Variants in PADI2 observed in about 807,000 individuals in gnomAD.
PADI2 encodes the protein protein-arginine deiminase type-2.
In PADI2, 70 loss-of-function variants were observed where a neutral mutation model predicts 81.1. The observed-to-expected ratio is 0.86, with a 90% CI of 0.71 to 1.05. PADI2 has a LOEUF of 1.05. PADI2 is among the 50% of genes least tolerant of loss of function. The pLI, the probability that PADI2 is intolerant of heterozygous loss-of-function variation, is 0.00. For synonymous variants in PADI2, 338 were observed against 358.0 expected, an observed-to-expected ratio of 0.94 and a Z score of 0.63; for missense variants, 853 against 889.9, an observed-to-expected ratio of 0.96 and a Z score of 0.53.
In PADI2 at chr1:17,086,645, T is replaced by A; in HGVS notation, c.710A>T (p.His237Leu). ...GGAGCCACCCGTGTACTTGACCACA[T>A]GGTAGAGCTTCCGCCGGCCCAGGAT... is the stretch of plus-strand genomic sequence containing the variant. ...IHILGRRKLY[H>L]VVKYTGGSAE... The change falls in exon 7 of 16, where the codon CAT (histidine) becomes CTT (leucine). Residue 237 changes from histidine to leucine, a missense_variant. Coordinates refer to ENST00000375486, the MANE Select transcript of PADI2 (RefSeq NM_007365.3). The A allele has an allele frequency of 6.2e-7, 1 of 1,613,994 alleles. No individual in the cohort carries two copies. Among genetic ancestry groups the A allele is most frequent in the Non-Finnish European group, 8.5e-7 (1 of 1,179,966 alleles).
chr1:17,077,869 C>G (rs377540858), intron 11 of PADI2, among the ~76,000 whole-genome samples: 1 of 152,172 alleles, frequency 6.6e-6, no homozygotes, highest in Non-Finnish European at 1.5e-5. Context: ...AGCGACTGCC[C>G]TGACAAGGAA....
At chr1:17,093,495 C>A in intron 5 of PADI2, 72 bp downstream of exon 5, 1 of 1,011,140 alleles carries the variant, frequency 9.9e-7, no homozygotes, top group South Asian at 1.4e-5. Context: ...TCACCCTCAG[C>A]CCAGCCCAGG....
chr1:17,085,052 C>T (rs2078375358), intron 7 of PADI2, among the ~76,000 whole-genome samples: 1 of 152,248 alleles, frequency 6.6e-6, no homozygotes, highest in African/African-American at 2.4e-5. Flanking sequence ...CTCTTAACCA[C>T]TGTCCTATCT....
chr1:17,069,496 T>C (rs1203189816), intron 15 of PADI2, among the ~76,000 whole-genome samples: 1 of 152,242 alleles, frequency 6.6e-6, no homozygotes, highest in East Asian at 1.9e-4. Flanking sequence ...AGCATTCACA[T>C]ATGTCTGTAC....
chr1:17,083,192 C>T (rs2078359101), intron 9 of PADI2: 1 of 155,802 alleles, frequency 6.4e-6, no homozygotes, highest in African/African-American at 2.4e-5. Flanking sequence ...TTTTAAAAAA[C>T]ACAATAACCA....
At chr1:17,093,322 C>T (rs1930773320) in intron 5 of PADI2, among the ~76,000 whole-genome samples, 1 of 152,242 alleles carries the variant, frequency 6.6e-6, no homozygotes, top group Middle Eastern at 3.4e-3. Flanking sequence ...TCTTGAACTC[C>T]TCACCTCATG....
intron 11 of PADI2, among the ~76,000 whole-genome samples, chr1:17,078,406 A>G (rs1167124959): frequency 1.4e-5 from 2 of 147,232 alleles, no homozygotes; most frequent in African/African-American, 5.1e-5. Flanking sequence ...CCACCGCACC[A>G]GGCCTGATTT....
chr1:17,069,978 C>G (rs752886815), intron 15 of PADI2, 110 bp downstream of exon 15: 1 of 1,284,292 alleles, frequency 7.8e-7, no homozygotes, highest in Non-Finnish European at 1.1e-6. Flanking sequence ...GCAGCTCAGC[C>G]AGGATTGGGA....
At chr1:17,072,937 A>G (rs761428) in intron 13 of PADI2, among the ~76,000 whole-genome samples, 148,750 of 152,166 alleles carry the variant, frequency 0.98, 72,712 homozygotes, top group East Asian at 1. Flanking sequence ...ACTTCCCATC[A>G]GTGGGGAATT....
chr1:17,071,555 T>A, intron 13 of PADI2, 64 bp from the exon 14 acceptor site: 1 of 1,314,900 alleles, frequency 7.6e-7, no homozygotes, highest in Non-Finnish European at 1.1e-6. Flanking sequence ...GTTCCCCTTT[T>A]GCCAAGATCC....
intron 1 of PADI2, among the ~76,000 whole-genome samples, chr1:17,106,524 C>T (rs996873517): frequency 1.3e-5 from 2 of 151,486 alleles, no homozygotes; most frequent in African/African-American, 4.9e-5. Context: ...CTCATTGCAA[C>T]CTCTGCCTCC....
At chr1:17,116,798 G>A (rs1390272219) in intron 1 of PADI2, among the ~76,000 whole-genome samples, 1 of 152,132 alleles carries the variant, frequency 6.6e-6, no homozygotes, top group African/African-American at 2.4e-5. Flanking sequence ...AGGAGGTGGT[G>A]GGTTCAGTTC....
In PADI2 at chr1:17,082,582, T is replaced by A. The variant is rs746575692; in HGVS notation, c.1121A>T (p.Asp374Val). The A allele has an allele frequency of 9.3e-6, 15 of 1,613,648 alleles. No individual in the cohort carries two copies. Among genetic ancestry groups the A allele is most frequent in the Non-Finnish European group, 1.2e-5 (14 of 1,179,752 alleles). Residue 374 changes from aspartate (D) to valine (V), a missense_variant, in exon 10 of 16, where the codon GAT becomes GTT. Coordinates refer to ENST00000375486, the MANE Select transcript of PADI2 (RefSeq NM_007365.3). ...GFPVVLDSPR[D>V]GNLKDFPVKE... Reference sequence around the variant, plus strand: ...CACAGGGAAGTCCTTTAGGTTTCCATCTCGGGGAGAGTCCAGCACCACGGG... The same window carrying A: ...CACAGGGAAGTCCTTTAGGTTTCCAACTCGGGGAGAGTCCAGCACCACGGG...
chr1:17,119,400 G>A lies in PADI2; in HGVS notation c.-29C>T, dbSNP rs1201913789. 14 of 1,501,832 alleles carry A rather than the reference G, an allele frequency of 9.3e-6. No individual in the cohort carries two copies. The highest frequency in any genetic ancestry group is 1.1e-5 in the Non-Finnish European group (12 of 1,119,876). 93.0% of individuals were successfully genotyped at this position (1,501,832 alleles called of 1,614,324 possible). A position where few individuals can be genotyped will look rare whatever the true frequency, so the allele number is the denominator to read the frequency against. On this transcript the variant is annotated 5_prime_UTR_variant, in exon 1 of 16. Transcript: ENST00000375486. This position sits in a 1 kb window ranked among gnomAD's most constrained non-coding sequence, Gnocchi z 4.8. ...CCCCGCCGCAGTGCCCGCGCTCGCT[G>A]GTCCGGGGCGGCCGGGAGCACCTGC...
chr1:17,105,153 G>A, intron 1 of PADI2, 92 bp from the exon 2 acceptor site: 1 of 909,570 alleles, frequency 1.1e-6, no homozygotes, highest in Non-Finnish European at 1.6e-6. Context: ...AGCACTTTGG[G>A]AGGTCAAAGC....
chr1:17,095,202 A>G (rs757616822), intron 4 of PADI2, among the ~76,000 whole-genome samples: 1 of 152,222 alleles, frequency 6.6e-6, no homozygotes, highest in African/African-American at 2.4e-5. Context: ...ACAGAGCAAG[A>G]CTGATGGAGC....
intron 3 of PADI2, among the ~76,000 whole-genome samples, chr1:17,098,665 C>T (rs1406974138): frequency 6.6e-6 from 1 of 152,198 alleles, no homozygotes; most frequent in African/African-American, 2.4e-5. Context: ...GCTCCCTTAT[C>T]GTCCTCCCAG....
rs558250031 is a variant in PADI2 at position 17,083,481 on chromosome 1, G to A, written c.1050+245C>T. The A allele has an allele frequency of 4.5e-5, 21 of 468,258 alleles. No homozygotes were observed. The East Asian group carries it at 5.3e-4, about 12-fold the overall frequency. The allele number at this position is 468,258 out of a possible 1,614,324, so 29.0% of individuals were successfully genotyped here. A position where few individuals can be genotyped will look rare whatever the true frequency, so the allele number is the denominator to read the frequency against. ...TTTTTAGCGGTTGCACAGAACTTCC[G>A]GGAAGGCCGTTACTCAGTCCTCCAC... On this transcript the variant is annotated intron_variant, in intron 9 of 15. Coordinates refer to ENST00000375486, the MANE Select transcript of PADI2 (RefSeq NM_007365.3).
At chr1:17,078,688 T>G (rs929757643) in intron 11 of PADI2, among the ~76,000 whole-genome samples, 2 of 151,512 alleles carry the variant, frequency 1.3e-5, no homozygotes, top group African/African-American at 4.9e-5. Context: ...GTGCCCAGCC[T>G]ATTTATTTAT....
Sources: gnomAD v4.1 joint callset for allele counts (sites outside exome capture counted in the v4.1 genomes callset) on GRCh38, gnomAD v4.1.1 for gene constraint, Gnocchi (gnomAD v3.1) non-coding constraint, MANE v1.5 for transcripts, NCBI Gene and HGNC (gene_info 2026-07-23, HGNC 2026-07-21) for gene names.